MAD1L1: variants seen among roughly 807,000 people sequenced by gnomAD.
The protein encoded by MAD1L1 is mitotic spindle assembly checkpoint protein MAD1.
MAD1L1 carries 95 observed loss-of-function variants against 96.9 expected under a neutral mutation model. The observed-to-expected ratio is 0.98, with a 90% CI of 0.83 to 1.16. MAD1L1 has a LOEUF of 1.16. Among genes scored for constraint, MAD1L1 ranks in the 50% most tolerant of loss-of-function variants. The pLI is 0.00. For missense variants in MAD1L1, 1,007 were observed against 954.4 expected, an observed-to-expected ratio of 1.06 and a Z score of -0.73; for synonymous variants, 473 against 396.6, an observed-to-expected ratio of 1.19 and a Z score of -2.29.
chr7:2,036,982 C>G (rs942377917), intron 12 of MAD1L1, among the ~76,000 whole-genome samples: 2 of 152,140 alleles, frequency 1.3e-5, no homozygotes, highest in African/African-American at 4.8e-5. Flanking sequence ...ACAGCTCCCC[C>G]CACAGCACGA....
chr7:1,983,119 C>T (rs992197001), intron 14 of MAD1L1, among the ~76,000 whole-genome samples: 1 of 149,772 alleles, frequency 6.7e-6, no homozygotes, highest in Non-Finnish European at 1.5e-5. Flanking sequence ...CACACACGCA[C>T]ACACACCCAC....
intron 10 of MAD1L1, among the ~76,000 whole-genome samples, chr7:2,179,524 GT>G (rs1427719029): frequency 6.9e-6 from 1 of 144,294 alleles, no homozygotes; most frequent in Non-Finnish European, 1.5e-5. Flanking sequence ...GCGAGACTCT[GT>G]CTCAAAAAAA....
chr7:1,986,372 C>T (rs1040818417), intron 14 of MAD1L1, among the ~76,000 whole-genome samples: 3 of 151,930 alleles, frequency 2.0e-5, no homozygotes, highest in African/African-American at 7.3e-5. Context: ...CAGCTTGGAA[C>T]CACACGCCAG....
At chr7:2,001,914 C>T in intron 14 of MAD1L1, 151 bp downstream of exon 14, 3 of 795,702 alleles carry the variant, frequency 3.8e-6, no homozygotes, top group Non-Finnish European at 6.3e-6. Flanking sequence ...AGGCTCCTCA[C>T]ACACCCTTCC....
At chr7:1,980,592 G>A in intron 14 of MAD1L1, 51 bp from the exon 15 acceptor site, 2 of 1,479,442 alleles carry the variant, frequency 1.4e-6, no homozygotes, top group East Asian at 2.4e-5. Context: ...GCACCCAGGT[G>A]TGTGGGGAAC....
intron 18 of MAD1L1, 116 bp from the exon 19 acceptor site, chr7:1,816,344 T>A: frequency 6.9e-6 from 7 of 1,013,748 alleles, no homozygotes; most frequent in Non-Finnish European, 1.0e-5. Flanking sequence ...TCTGAGGACC[T>A]GGACAGGGGT....
At chr7:2,112,298 A>T (rs926765658) in intron 11 of MAD1L1, among the ~76,000 whole-genome samples, 10 of 152,188 alleles carry the variant, frequency 6.6e-5, no homozygotes, top group African/African-American at 2.4e-4. Flanking sequence ...CTGTATAGAC[A>T]GTTTTTTTTA....
At chr7:1,854,263 G>T (rs774951508) in intron 18 of MAD1L1, 5 of 389,544 alleles carry the variant, frequency 1.3e-5, no homozygotes, top group Non-Finnish European at 2.5e-5. Context: ...TACTGAGCCC[G>T]CTGGGGCTGG....
chr7:2,033,599 A>G (rs570828331), intron 12 of MAD1L1, among the ~76,000 whole-genome samples: 1 of 152,384 alleles, frequency 6.6e-6, no homozygotes, highest in African/African-American at 2.4e-5. Context: ...CAATCAACAG[A>G]AGAAACGTAA....
intron 16 of MAD1L1, among the ~76,000 whole-genome samples, chr7:1,951,000 G>A (rs1176735226): frequency 2.6e-5 from 4 of 152,220 alleles, no homozygotes; most frequent in African/African-American, 9.6e-5. Context: ...GGAGGAGGCG[G>A]GGGACCAGCA....
At chr7:2,211,567 G>C (rs1460608719) in intron 10 of MAD1L1, among the ~76,000 whole-genome samples, 1 of 152,234 alleles carries the variant, frequency 6.6e-6, no homozygotes, top group Non-Finnish European at 1.5e-5. Context: ...CATCTGGCCA[G>C]AGTATGCCTG....
chr7:2,166,066 T>C (rs1425800034), intron 10 of MAD1L1, among the ~76,000 whole-genome samples: 2 of 152,188 alleles, frequency 1.3e-5, no homozygotes, highest in African/African-American at 2.4e-5. Context: ...CGTTCTCCCA[T>C]GTGGAAACTT....
At chr7:2,165,906 G>C (rs540606320) in intron 10 of MAD1L1, among the ~76,000 whole-genome samples, 1 of 152,174 alleles carries the variant, frequency 6.6e-6, no homozygotes, top group Admixed American at 6.5e-5. Context: ...CAGAATGACC[G>C]GCCCCCAGGG....
At chr7:2,137,941 G>T (rs1315269268) in intron 11 of MAD1L1, among the ~76,000 whole-genome samples, 1 of 152,170 alleles carries the variant, frequency 6.6e-6, no homozygotes, top group Non-Finnish European at 1.5e-5. Context: ...TGCCATGTCG[G>T]ATAACTATGC....
chr7:1,917,880 C>T (rs1164796513), intron 17 of MAD1L1, among the ~76,000 whole-genome samples: 2 of 151,984 alleles, frequency 1.3e-5, no homozygotes, highest in South Asian at 2.1e-4. Context: ...GAAGACAAAG[C>T]CCCCAGAGCA....
chr7:1,871,067 CAT>C (rs1785057280), intron 18 of MAD1L1, among the ~76,000 whole-genome samples: 1 of 145,526 alleles, frequency 6.9e-6, no homozygotes. Flanking sequence ...TAACACCTGC[CAT>C]GCTGAACCCA....
chr7:2,158,890 C>T (rs1204691806), intron 10 of MAD1L1, among the ~76,000 whole-genome samples: 1 of 152,234 alleles, frequency 6.6e-6, no homozygotes, highest in Non-Finnish European at 1.5e-5. Flanking sequence ...TGCACCCAGC[C>T]TGAGGCCACT....
chr7:2,108,698 T>C (rs1413877280), intron 11 of MAD1L1, among the ~76,000 whole-genome samples: 1 of 152,234 alleles, frequency 6.6e-6, no homozygotes, highest in East Asian at 1.9e-4. Flanking sequence ...GGTTTCACTC[T>C]GGCTTTCTCT....
In MAD1L1 at chr7:1,864,348, C is replaced by T. The variant is rs146780744; in HGVS notation, c.1998+33852G>A. Among the ~76,000 whole-genome samples the T allele has an allele frequency of 4.2e-3, 642 of 152,308 alleles. 6 individuals are homozygous for T. The highest frequency in any genetic ancestry group is 0.015 in the African/African-American group (605 of 41,574). The stretch of plus-strand genomic sequence containing the variant: ...GCAGACCCGGGGCCCCTTTCCTGGA[C>T]GGGACTCGGGGGAACTTGCCTTTGG... On this transcript the variant is annotated intron_variant, in intron 18 of 18. Transcript: ENST00000265854.
Sources: gnomAD v4.1 joint callset for allele counts (sites outside exome capture counted in the v4.1 genomes callset) on GRCh38, gnomAD v4.1.1 for gene constraint, MANE v1.5 for transcripts, NCBI Gene and HGNC (gene_info 2026-07-23, HGNC 2026-07-21) for gene names.